MAF: variants seen among roughly 807,000 people sequenced by gnomAD.
MAF encodes MAF bZIP transcription factor.
In MAF, 10 loss-of-function variants were observed where a neutral mutation model predicts 22.0. The observed-to-expected ratio is 0.45, with a 90% CI of 0.28 to 0.77. The LOEUF is 0.77. MAF is among the 30% of genes least tolerant of loss of function. The probability of loss-of-function intolerance (pLI) is 0.12; values close to 1 mark genes in which losing one functional copy is unlikely to be tolerated. For synonymous variants in MAF, 337 were observed against 255.8 expected (o/e 1.32, Z -3.03); for missense variants, 544 against 548.4 (o/e 0.99, Z 0.08).
chr16:79,462,990 C>G, the MAF span, among the ~76,000 whole-genome samples: 6 of 152,146 alleles, frequency 3.9e-5, no homozygotes, highest in Non-Finnish European at 5.9e-5. Flanking sequence ...CTGTTTTAAT[C>G]AGGGTGCTCA....
chr16:79,498,629 T>C, the MAF span, among the ~76,000 whole-genome samples: 273 of 152,336 alleles, frequency 1.8e-3, 2 homozygotes, highest in African/African-American at 6.4e-3. Flanking sequence ...ACGCCCATTA[T>C]GCATATAGGA....
At chr16:79,263,701 C>T in the MAF span, among the ~76,000 whole-genome samples, 3 of 151,212 alleles carry the variant, frequency 2.0e-5, no homozygotes, top group Non-Finnish European at 4.4e-5. Context: ...AGGAGGTTGT[C>T]TCCTCAACCT....
chr16:79,472,978 T>G, the MAF span, among the ~76,000 whole-genome samples: 101 of 152,204 alleles, frequency 6.6e-4, no homozygotes, highest in African/African-American at 2.2e-3. Flanking sequence ...AACACAATTC[T>G]GTCCTATGGA....
At chr16:79,550,337 G>C in the MAF span, among the ~76,000 whole-genome samples, 213 of 150,214 alleles carry the variant, frequency 1.4e-3, no homozygotes, top group African/African-American at 4.9e-3. Context: ...TAGGGGGAAA[G>C]GAGAGAGAGA....
chr16:79,427,401 C>G, the MAF span, among the ~76,000 whole-genome samples: 1 of 152,190 alleles, frequency 6.6e-6, no homozygotes, highest in Admixed American at 6.5e-5. Context: ...CCCCATTCAT[C>G]GGTGATGTCT....
At chr16:79,386,880 C>G in the MAF span, among the ~76,000 whole-genome samples, 1 of 152,166 alleles carries the variant, frequency 6.6e-6, no homozygotes, top group Non-Finnish European at 1.5e-5. Flanking sequence ...TATTATAAAC[C>G]TCATTGTATT....
At chr16:79,455,402 CA>C in the MAF span, among the ~76,000 whole-genome samples, 5 of 152,234 alleles carry the variant, frequency 3.3e-5, no homozygotes, top group African/African-American at 1.2e-4. Flanking sequence ...TGAACTGAAA[CA>C]TGTCCCCAGC....
the MAF span, among the ~76,000 whole-genome samples, chr16:79,533,823 T>C: frequency 1.3e-5 from 2 of 152,198 alleles, no homozygotes; most frequent in East Asian, 1.9e-4. Flanking sequence ...TATCCAGTGA[T>C]GTCCTTCCTT....
Position 79,599,884 on chromosome 16 carries a change from T to C in MAF, c.19A>G (p.Met7Val), listed in dbSNP as rs1303484283. ...CTGGTGGGCAGGTCGGAGTTGCTCA[T>C]TGCCAGTTCTGATGCCATTCTCCTG... MASELA[M>V]SNSDLPTSPL... Residue 7 changes from methionine to valine, a missense_variant, in exon 1 of 2, where the codon ATG becomes GTG. Around this residue, in one of 5 missense-constraint regions of MAF, gnomAD observed 63 missense variants for 72.7 expected, o/e 0.87. Coordinates refer to ENST00000326043, the MANE Select transcript of MAF (RefSeq NM_005360.5). The C allele has an allele frequency of 3.7e-6, 6 of 1,602,982 alleles. No individual in the cohort carries two copies. The highest frequency in any genetic ancestry group is 3.3e-5 in the Admixed American group (2 of 59,776).
intron 1 of MAF, chr16:79,598,030 T>C (rs1184510225): frequency 2.9e-6 from 3 of 1,041,122 alleles, no homozygotes; most frequent in Non-Finnish European, 3.5e-6. Context: ...TTTTTTTCTC[T>C]ATTTTAGCAT....
exon 2 of MAF, chr16:79,585,854 C>T (rs894697366): frequency 9.7e-6 from 6 of 617,374 alleles, no homozygotes; most frequent in African/African-American, 9.6e-5. Context: ...AACTCAAGCA[C>T]ATGCAAATCA....
chr16:79,251,432 C>T, the MAF span, among the ~76,000 whole-genome samples: 11 of 151,012 alleles, frequency 7.3e-5, no homozygotes, highest in African/African-American at 2.4e-4. Flanking sequence ...TCTCCTGCGT[C>T]AGCCTCCAGA....
the MAF span, among the ~76,000 whole-genome samples, chr16:79,417,465 C>T: frequency 6.6e-6 from 1 of 152,148 alleles, no homozygotes; most frequent in Non-Finnish European, 1.5e-5. Flanking sequence ...AAGGGTGACC[C>T]AAAGGTTCAA....
At chr16:79,360,860 G>A in the MAF span, among the ~76,000 whole-genome samples, 2 of 152,152 alleles carry the variant, frequency 1.3e-5, no homozygotes, top group Non-Finnish European at 2.9e-5. Context: ...CCCTTTAACT[G>A]GAGTTGCTCC....
the MAF span, among the ~76,000 whole-genome samples, chr16:79,221,874 C>A: frequency 2.0e-5 from 3 of 152,268 alleles, no homozygotes; most frequent in East Asian, 5.8e-4. Context: ...TTATGTTTAA[C>A]CCTAATCCTT....
At chr16:79,596,223 T>C in intron 1 of MAF, 1 of 1,061,234 alleles carries the variant, frequency 9.4e-7, no homozygotes, top group East Asian at 5.1e-5. Flanking sequence ...CCAAGGGCAA[T>C]TATGGCTCAA....
chr16:79,434,779 A>G, the MAF span, among the ~76,000 whole-genome samples: 1 of 152,182 alleles, frequency 6.6e-6, no homozygotes, highest in Non-Finnish European at 1.5e-5. Context: ...ATTACATTTT[A>G]AAAGATTATA....
At chr16:79,216,211 TAC>T in the MAF span, among the ~76,000 whole-genome samples, 1 of 152,240 alleles carries the variant, frequency 6.6e-6, no homozygotes, top group East Asian at 1.9e-4. Context: ...TGTATATGTA[TAC>T]GTGTCATGTG....
At chr16:79,264,259 G>T in the MAF span, among the ~76,000 whole-genome samples, 3 of 152,136 alleles carry the variant, frequency 2.0e-5, no homozygotes, top group Admixed American at 2.0e-4. Flanking sequence ...AAAACTCAGG[G>T]GATTTGGACA....
Sources: gnomAD v4.1 joint callset for allele counts (sites outside exome capture counted in the v4.1 genomes callset) on GRCh38, gnomAD v4.1.1 for gene constraint, gnomAD v4.1.1 regional missense constraint, MANE v1.5 for transcripts, NCBI Gene and HGNC (gene_info 2026-07-23, HGNC 2026-07-21) for gene names.